The following IMPDH1 variants were observed in gnomAD, a reference collection of about 807,000 sequenced individuals.
IMPDH1 encodes the protein inosine-5'-monophosphate dehydrogenase 1.
A neutral mutation model predicts 73.5 loss-of-function variants in IMPDH1; 41 were observed. That is an observed-to-expected ratio of 0.56 (90% CI 0.43 to 0.72). IMPDH1 has a LOEUF of 0.72. Among genes scored for constraint, IMPDH1 ranks in the 30% least tolerant of loss-of-function variants. The pLI, the probability that IMPDH1 is intolerant of heterozygous loss-of-function variation, is 0.00. For missense variants in IMPDH1, 645 were observed against 824.8 expected (o/e 0.78, Z 2.67); for synonymous variants, 318 against 334.3 (o/e 0.95, Z 0.53).
intron 5 of IMPDH1, among the ~76,000 whole-genome samples, chr7:128,402,090 G>A (rs62481100): frequency 0.14 from 21,308 of 151,614 alleles, 1,621 homozygotes; most frequent in South Asian, 0.22. Context: ...GATCCTTGCC[G>A]GCCAGGCAGG....
chr7:128,399,988 AG>A (rs1250118379), intron 9 of IMPDH1, 106 bp downstream of exon 9: 8 of 903,066 alleles, frequency 8.9e-6, no homozygotes, highest in Non-Finnish European at 1.5e-5. Flanking sequence ...AACCTTCCCC[AG>A]GGCTCAGTCT....
At chr7:128,393,310 G>A (rs1021989014) in intron 16 of IMPDH1, among the ~76,000 whole-genome samples, 1 of 152,328 alleles carries the variant, frequency 6.6e-6, no homozygotes, top group African/African-American at 2.4e-5. Flanking sequence ...AGGGTGGAGG[G>A]ACAGCTCAGG....
At chr7:128,406,280 GCCCCACCCCCCCACACCCCCACACC>G (rs1584753925) in intron 3 of IMPDH1, among the ~76,000 whole-genome samples, 4 of 21,096 alleles carry the variant, frequency 1.9e-4, no homozygotes, top group East Asian at 2.5e-3. Context: ...CCCAGCAGAG[GCCCCACCCCCCCACACCCCCACACC>G]CCCCACCCCC....
At position 128,405,640 on chromosome 7, in the gene IMPDH1, CCCCAGCG is replaced by C. The variant is rs139997765; in HGVS notation, c.353+120_353+126del. 1.8e-4 allele frequency: 238 copies of C among 1,334,792 alleles called. 2 individuals carry two copies. The African/African-American group carries it at 3.3e-3, about 19-fold the overall frequency. The allele number at this position is 1,334,792 out of a possible 1,614,324, so 82.7% of individuals were successfully genotyped here. On this transcript the variant is annotated intron_variant, in intron 4 of 16. Coordinates refer to ENST00000338791, the MANE Select transcript of IMPDH1 (RefSeq NM_000883.4). The stretch of plus-strand genomic sequence containing the variant: ...GGCCTCCTTCCTTCCCGTGCCCAGC[CCCCAGCG>C]CCCACAGCAGGCACTCGCACCGGGC...
chr7:128,398,751 C>A lies in IMPDH1; in HGVS notation c.875-138G>T. ...CCAGTCAGCCACTAGGTGACAGCAC[C>A]GCCCCCAGGAAGTGTTCCTAGGGAC... On this transcript the variant is annotated intron_variant, in intron 9 of 16. Transcript: ENST00000338791. The surrounding 1 kb of genome is among the most constrained non-coding windows in gnomAD (Gnocchi z 4.3). 1.5e-6 allele frequency: 1 copy of A among 688,290 alleles called. No homozygotes were observed. Among genetic ancestry groups the A allele is most frequent in the South Asian group, 1.5e-5 (1 of 64,546 alleles). The allele number at this position is 688,290 out of a possible 1,614,324, so 42.6% of individuals were successfully genotyped here.
intron 7 of IMPDH1, 50 bp downstream of exon 7, chr7:128,400,766 GA>G (rs754426692): frequency 1.6e-5 from 24 of 1,504,716 alleles, no homozygotes; most frequent in Admixed American, 3.3e-5. Context: ...GAGGGCCTCT[GA>G]GGTGGGGACT....
rs121912553 is a variant in IMPDH1 at position 128,400,828 on chromosome 7, G to A, written c.568C>T (p.Arg190Trp). 2.8e-4 allele frequency: 455 copies of A among 1,614,056 alleles called. No homozygotes were observed. Among genetic ancestry groups the A allele is most frequent in the Admixed American group, 1.5e-4 (9 of 60,024 alleles). ...CTPEFQANEV[R>W]KVKKFEQGFI... Reference sequence around the variant, plus strand: ...GGCCTGGTACTTGCCTTGACCTTCCGCACCTCGTTGGCCTGGAACTCTGGG... The same window carrying A: ...GGCCTGGTACTTGCCTTGACCTTCCACACCTCGTTGGCCTGGAACTCTGGG... Residue 190 changes from arginine (R) to tryptophan (W), a missense_variant, in exon 7 of 17, where the codon CGG becomes TGG. Arg to Trp is a moderately radical substitution (Grantham distance 101, BLOSUM62 -3). Around this residue, in one of 2 missense-constraint regions of IMPDH1, gnomAD observed 459 missense variants for 638.2 expected, o/e 0.72. Transcript: ENST00000338791.
At chr7:128,395,576 G>A (rs974825188) in intron 12 of IMPDH1, among the ~76,000 whole-genome samples, 4 of 152,212 alleles carry the variant, frequency 2.6e-5, no homozygotes, top group African/African-American at 9.6e-5. Context: ...TGCTCTCAAG[G>A]CACAAGTTCC....
chr7:128,396,649 G>A lies in IMPDH1; in HGVS notation c.1212C>T (p.Asp404=), dbSNP rs974835184. 1.3e-5 allele frequency: 21 copies of A among 1,555,618 alleles called. No individual in the cohort carries two copies. The highest frequency in any genetic ancestry group is 9.7e-5 in the Admixed American group (5 of 51,770). Residue 404 remains aspartate, a synonymous_variant, in exon 12 of 17, where the codon GAC becomes GAT. Transcript: ENST00000338791. The surrounding 1 kb of genome is among the most constrained non-coding windows in gnomAD (Gnocchi z 4.0). Reference sequence around the variant, plus strand: ...CGCAGCCCATGCCCACGCGCAGCCCGTCCACACCAGCATCAATCAGGTTCT... The same window carrying A: ...CGCAGCCCATGCCCACGCGCAGCCCATCCACACCAGCATCAATCAGGTTCT... ...QAKNLIDAGV[D]GLRVGMGCGS...
intron 5 of IMPDH1, 42 bp downstream of exon 5, chr7:128,403,664 C>T (rs1193121304): frequency 6.3e-7 from 1 of 1,580,072 alleles, no homozygotes; most frequent in Non-Finnish European, 8.7e-7. Flanking sequence ...TCTTCCACCA[C>T]ATACACAGCC....
Position 128,395,242 on chromosome 7 carries a change from C to T in IMPDH1, c.1294G>A (p.Val432Met). The T allele has an allele frequency of 6.2e-7, 1 of 1,613,750 alleles. No homozygotes were observed. Among genetic ancestry groups the T allele is most frequent in the Non-Finnish European group, 8.5e-7 (1 of 1,180,046 alleles). Reference sequence around the variant, plus strand: ...CGGGCATACTCAGCCACCTTGTACACAGCAGTGCCCTGGGGCCGACCACAG... The same window carrying T: ...CGGGCATACTCAGCCACCTTGTACATAGCAGTGCCCTGGGGCCGACCACAG... ...MACGRPQGTAVYKVAEYARRF... is the reference protein window; with the variant it reads ...MACGRPQGTAMYKVAEYARRF... Residue 432 changes from valine (V) to methionine (M), a missense_variant, in exon 13 of 17, where the codon GTG (valine) becomes ATG (methionine). Around this residue, in one of 2 missense-constraint regions of IMPDH1, gnomAD observed 459 missense variants for 638.2 expected, o/e 0.72. Coordinates refer to ENST00000338791, the MANE Select transcript of IMPDH1 (RefSeq NM_000883.4).
At chr7:128,405,946 GACGCCGCGCCGCGGCC>G in intron 3 of IMPDH1, 81 bp from the exon 4 acceptor site, 1 of 1,286,896 alleles carries the variant, frequency 7.8e-7, no homozygotes, top group South Asian at 1.5e-5. Context: ...TGCTACTGCT[GACGCCGCGCCGCGGCC>G]ACGCTGCTGC....
At chr7:128,397,890 C>T (rs770157199) in intron 10 of IMPDH1, among the ~76,000 whole-genome samples, 1 of 152,186 alleles carries the variant, frequency 6.6e-6, no homozygotes, top group African/African-American at 2.4e-5. Flanking sequence ...CCCTCCCACC[C>T]TCTCCCATTT....
At position 128,400,480 on chromosome 7, in the gene IMPDH1, G is replaced by C; in HGVS notation, c.639C>G (p.Gly213=). ...GCCGCATCTTGGCCTCCAGCACATC[G>C]CCCACAGTGTGCGAGGGGCTCAGCA... is the stretch of plus-strand genomic sequence containing the variant. ...PVVLSPSHTV[G]DVLEAKMRHG... Residue 213 remains glycine (G), a synonymous_variant, in exon 8 of 17, where the codon GGC becomes GGG. Coordinates refer to ENST00000338791, the MANE Select transcript of IMPDH1 (RefSeq NM_000883.4). The C allele has an allele frequency of 6.2e-7, 1 of 1,612,648 alleles. No homozygotes were observed. The highest frequency in any genetic ancestry group is 8.5e-7 in the Non-Finnish European group (1 of 1,179,982).
In IMPDH1 at chr7:128,392,740, G is replaced by GAGGC; in HGVS notation, c.*263_*266dup. On this transcript the variant is annotated 3_prime_UTR_variant, in exon 17 of 17. Transcript: ENST00000338791. ...GAGCAGGCTGCAGCAAGAAAGACCT[G>GAGGC]AGGCAGGCGCAGGGCCTGAGAGCCT... 2.0e-6 allele frequency: 1 copy of GAGGC among 507,472 alleles called. No homozygotes were observed. The highest frequency in any genetic ancestry group is 3.6e-6 in the Non-Finnish European group (1 of 280,836). The allele number at this position is 507,472 out of a possible 1,614,324, so 31.4% of individuals were successfully genotyped here. A position where few individuals can be genotyped will look rare whatever the true frequency, so the allele number is the denominator to read the frequency against.
At chr7:128,400,765 T>C in intron 7 of IMPDH1, 52 bp downstream of exon 7, 1 of 1,503,576 alleles carries the variant, frequency 6.7e-7, no homozygotes, top group South Asian at 1.1e-5. Flanking sequence ...GGAGGGCCTC[T>C]GAGGTGGGGA....
chr7:128,393,081 C>T (rs1797644593), intron 16 of IMPDH1, 53 bp from the exon 17 acceptor site: 1 of 1,598,254 alleles, frequency 6.3e-7, no homozygotes, highest in Non-Finnish European at 8.6e-7. Flanking sequence ...GACCCTGCTC[C>T]TTCCCAAAAC....
rs777246302 is a variant in IMPDH1 at position 128,409,328 on chromosome 7, G to A, written c.215C>T (p.Ala72Val). ...GCGATCCATCTGGACACCAACACCT[G>A]CCAGTAAGACCACTGAAGATAGTTC... ...RSELSSVVLLAGVGVQMDRLR... is the reference protein window; with the variant it reads ...RSELSSVVLLVGVGVQMDRLR... The change falls in exon 3 of 17, where the codon GCA (alanine) becomes GTA (valine). Residue 72 changes from alanine (A) to valine (V), a missense_variant. Physicochemically the swap from Ala to Val is moderately conservative, Grantham distance 64. This residue lies in a region of IMPDH1 where 186 missense variants were observed against 186.6 expected (regional missense o/e 1.00). Transcript: ENST00000338791. The A allele has an allele frequency of 6.2e-7, 1 of 1,614,154 alleles. No individual in the cohort carries two copies. Among genetic ancestry groups the A allele is most frequent in the South Asian group, 1.1e-5 (1 of 91,086 alleles).
chr7:128,409,661 C>T, intron 1 of IMPDH1, 95 bp downstream of exon 1: 2 of 1,507,172 alleles, frequency 1.3e-6, no homozygotes, highest in Non-Finnish European at 9.0e-7. Flanking sequence ...TGGGGCCTGC[C>T]CCTCCCCCGC....
Sources: gnomAD v4.1 joint callset for allele counts (sites outside exome capture counted in the v4.1 genomes callset) on GRCh38, gnomAD v4.1.1 for gene constraint, gnomAD v4.1.1 regional missense constraint, Gnocchi (gnomAD v3.1) non-coding constraint, MANE v1.5 for transcripts, NCBI Gene and HGNC (gene_info 2026-07-23, HGNC 2026-07-21) for gene names.